Variants in CYYR1 observed in about 807,000 individuals in gnomAD.
CYYR1 encodes cysteine and tyrosine-rich protein 1.
A neutral mutation model predicts 15.2 loss-of-function variants in CYYR1; 14 were observed. That is an observed-to-expected ratio of 0.92 (90% CI 0.61 to 1.44). The LOEUF is 1.44. CYYR1 is among the 40% of genes most tolerant of loss of function. The pLI is 0.00. For synonymous variants in CYYR1, 80 were observed against 77.4 expected, an observed-to-expected ratio of 1.03 and a Z score of -0.18; for missense variants, 228 against 209.5, an observed-to-expected ratio of 1.09 and a Z score of -0.54.
intron 2 of CYYR1, among the ~76,000 whole-genome samples, chr21:26,521,122 C>A (rs1425920120): frequency 6.6e-6 from 1 of 152,182 alleles, no homozygotes; most frequent in African/African-American, 2.4e-5. Flanking sequence ...TTCAGCAAAC[C>A]ACCATGGTAC....
intron 2 of CYYR1, among the ~76,000 whole-genome samples, chr21:26,529,310 G>A (rs184629358): frequency 8.7e-4 from 133 of 152,148 alleles, no homozygotes; most frequent in Admixed American, 2.0e-3. Context: ...GATATACAGA[G>A]TTTTATGAAA....
chr21:26,562,108 A>G (rs1240286907), intron 2 of CYYR1, among the ~76,000 whole-genome samples: 4 of 152,310 alleles, frequency 2.6e-5, no homozygotes, highest in South Asian at 2.1e-4. Context: ...TTGAGAATCA[A>G]TCTGGTGGGA....
At chr21:26,516,706 A>C (rs556975921) in intron 2 of CYYR1, among the ~76,000 whole-genome samples, 2 of 152,352 alleles carry the variant, frequency 1.3e-5, no homozygotes, top group Admixed American at 6.5e-5. Context: ...GGAATGTGTG[A>C]TAATTGATTT....
At chr21:26,491,426 T>G (rs567451911) in intron 2 of CYYR1, among the ~76,000 whole-genome samples, 1 of 152,148 alleles carries the variant, frequency 6.6e-6, no homozygotes, top group Non-Finnish European at 1.5e-5. Flanking sequence ...TTTGTTGAGA[T>G]TTAAGTCCTG....
chr21:26,530,150 T>C (rs1379062505), intron 2 of CYYR1, among the ~76,000 whole-genome samples: 1 of 152,172 alleles, frequency 6.6e-6, no homozygotes, highest in Non-Finnish European at 1.5e-5. Context: ...ATTTTGCTTG[T>C]ATTTGTATGT....
chr21:26,482,181 A>T, intron 2 of CYYR1: 1 of 586,020 alleles, frequency 1.7e-6, no homozygotes, highest in Non-Finnish European at 2.2e-6. Context: ...TTCAGTATTT[A>T]CATTGCCATA....
At chr21:26,566,109 G>C (rs1980595058) in intron 2 of CYYR1, among the ~76,000 whole-genome samples, 157 bp downstream of exon 2, 1 of 152,124 alleles carries the variant, frequency 6.6e-6, no homozygotes, top group Non-Finnish European at 1.5e-5. Flanking sequence ...TAGTCCATTA[G>C]ATAGCGATGT....
chr21:26,533,053 G>A (rs1450742856), intron 2 of CYYR1, among the ~76,000 whole-genome samples: 1 of 151,460 alleles, frequency 6.6e-6, no homozygotes, highest in African/African-American at 2.4e-5. Context: ...AAATACTTCT[G>A]GTCCCATGCA....
At chr21:26,485,108 T>C (rs1426875783) in intron 2 of CYYR1, among the ~76,000 whole-genome samples, 1 of 152,126 alleles carries the variant, frequency 6.6e-6, no homozygotes, top group Non-Finnish European at 1.5e-5. Context: ...TCTGGCATCA[T>C]TAAAACCTTG....
intron 2 of CYYR1, among the ~76,000 whole-genome samples, chr21:26,491,124 A>C (rs895204192): frequency 4.6e-5 from 7 of 152,220 alleles, no homozygotes; most frequent in African/African-American, 7.2e-5. Flanking sequence ...CCAAATAGAT[A>C]CAGCTACTGC....
intron 2 of CYYR1, among the ~76,000 whole-genome samples, chr21:26,515,217 A>G (rs1384450188): frequency 1.3e-5 from 2 of 152,176 alleles, no homozygotes; most frequent in Admixed American, 6.5e-5. Flanking sequence ...ACTAGTCCAA[A>G]CTTCCTTTCC....
At chr21:26,474,671 C>T (rs2065080645) in intron 3 of CYYR1, among the ~76,000 whole-genome samples, 1 of 152,252 alleles carries the variant, frequency 6.6e-6, no homozygotes, top group Non-Finnish European at 1.5e-5. Flanking sequence ...CTAACCCTGC[C>T]TCTCAAGTCC....
chr21:26,562,732 A>ACG (rs1398031894), intron 2 of CYYR1, among the ~76,000 whole-genome samples: 1 of 86,908 alleles, frequency 1.2e-5, no homozygotes, highest in Non-Finnish European at 2.5e-5. Flanking sequence ...TCCTAAACAC[A>ACG]CACACACACA....
chr21:26,551,032 T>G (rs1979349032), intron 2 of CYYR1: 1 of 152,660 alleles, frequency 6.6e-6, no homozygotes, highest in Non-Finnish European at 1.5e-5. Context: ...TGACTTGAAG[T>G]TGAAGCCAGT....
intron 2 of CYYR1, among the ~76,000 whole-genome samples, chr21:26,537,229 A>G (rs184662989): frequency 5.5e-4 from 83 of 152,276 alleles, no homozygotes; most frequent in Non-Finnish European, 4.1e-4. Context: ...TATGGATTTG[A>G]CTTAAACCAC....
intron 2 of CYYR1, among the ~76,000 whole-genome samples, chr21:26,546,518 T>C (rs1370648083): frequency 6.6e-6 from 1 of 152,192 alleles, no homozygotes; most frequent in African/African-American, 2.4e-5. Flanking sequence ...AATTTAACTA[T>C]ACATGGAAGT....
intron 2 of CYYR1, among the ~76,000 whole-genome samples, chr21:26,555,116 C>A (rs1487113708): frequency 6.6e-6 from 1 of 152,146 alleles, no homozygotes; most frequent in Non-Finnish European, 1.5e-5. Flanking sequence ...ATTTCTCTTA[C>A]AACTTCCTAT....
chr21:26,553,806 G>A (rs1979571730), intron 2 of CYYR1, among the ~76,000 whole-genome samples: 5 of 152,104 alleles, frequency 3.3e-5, no homozygotes, highest in Admixed American at 3.3e-4. Flanking sequence ...TGAGACAAAA[G>A]CTATTTTACC....
intron 2 of CYYR1, among the ~76,000 whole-genome samples, chr21:26,499,323 T>C (rs902898629): frequency 2.6e-5 from 4 of 152,126 alleles, no homozygotes; most frequent in African/African-American, 9.7e-5. Flanking sequence ...CATGTGACTG[T>C]AGAGGCAGAG....
Sources: gnomAD v4.1 joint callset for allele counts (sites outside exome capture counted in the v4.1 genomes callset) on GRCh38, gnomAD v4.1.1 for gene constraint, MANE v1.5 for transcripts, NCBI Gene and HGNC (gene_info 2026-07-23, HGNC 2026-07-21) for gene names.